The following CAMTA1 variants were observed in gnomAD, a reference collection of about 807,000 sequenced individuals.
CAMTA1 encodes the protein calmodulin-binding transcription activator 1.
Under a neutral mutation model 170.9 loss-of-function variants are expected in CAMTA1, and 27 were observed. That is an observed-to-expected ratio of 0.16 (90% CI 0.12 to 0.22). The LOEUF (loss-of-function observed/expected upper bound fraction) is 0.22, where lower values mean the gene tolerates loss of function less well. CAMTA1 is among the 10% of genes least tolerant of loss of function. CAMTA1 has a pLI of 1.00. For synonymous variants in CAMTA1, 833 were observed against 891.5 expected (o/e 0.93, Z 1.17); for missense variants, 1,619 against 2,217.2 (o/e 0.73, Z 5.42).
intron 6 of CAMTA1, among the ~76,000 whole-genome samples, chr1:7,519,987 G>C (rs988020828): frequency 7.3e-5 from 11 of 150,964 alleles, no homozygotes; most frequent in African/African-American, 2.7e-4. Context: ...CCATCAGAAC[G>C]GGAGCTTCTA....
At chr1:7,334,343 T>C (rs559803089) in intron 5 of CAMTA1, among the ~76,000 whole-genome samples, 123 of 152,252 alleles carry the variant, frequency 8.1e-4, no homozygotes, top group Non-Finnish European at 1.6e-3. Flanking sequence ...TTGGCAACAT[T>C]TTCGGGACAG....
intron 6 of CAMTA1, among the ~76,000 whole-genome samples, chr1:7,576,355 C>G (rs1576177516): frequency 1.3e-5 from 2 of 152,094 alleles, no homozygotes; most frequent in Non-Finnish European, 1.5e-5. Flanking sequence ...TGTTGTCTCC[C>G]CAAAATTCAT....
chr1:7,684,391 C>T (rs2149342635), intron 11 of CAMTA1, among the ~76,000 whole-genome samples: 1 of 152,316 alleles, frequency 6.6e-6, no homozygotes, highest in East Asian at 1.9e-4. Flanking sequence ...AGACAAATGC[C>T]CACCAACTGG....
At chr1:6,911,099 G>C (rs1679591758) in intron 3 of CAMTA1, among the ~76,000 whole-genome samples, 2 of 152,208 alleles carry the variant, frequency 1.3e-5, no homozygotes, top group African/African-American at 4.8e-5. Context: ...ACCACTCCTG[G>C]CCAGCTTCCT....
intron 5 of CAMTA1, among the ~76,000 whole-genome samples, chr1:7,413,879 T>C (rs2090972476): frequency 6.6e-6 from 1 of 152,204 alleles, no homozygotes; most frequent in Admixed American, 6.5e-5. Context: ...TTCAGTATGA[T>C]ATTGGCTGTG....
At chr1:7,185,777 T>A (rs1397028917) in intron 4 of CAMTA1, among the ~76,000 whole-genome samples, 2 of 152,202 alleles carry the variant, frequency 1.3e-5, no homozygotes, top group Non-Finnish European at 2.9e-5. Flanking sequence ...GAGGAAACAT[T>A]TGACAAACCT....
chr1:7,269,470 T>C (rs1443785288), intron 5 of CAMTA1, among the ~76,000 whole-genome samples: 1 of 152,208 alleles, frequency 6.6e-6, no homozygotes, highest in African/African-American at 2.4e-5. Context: ...ATGTATCCCA[T>C]GAGTTGGAAG....
intron 6 of CAMTA1, among the ~76,000 whole-genome samples, chr1:7,507,196 TCA>T (rs1336497262): frequency 6.6e-6 from 1 of 151,708 alleles, no homozygotes; most frequent in African/African-American, 2.4e-5. Flanking sequence ...CATAACACCC[TCA>T]CAGTGGCACA....
intron 6 of CAMTA1, among the ~76,000 whole-genome samples, chr1:7,614,121 GGAGGA>G (rs2095543169): frequency 6.6e-6 from 1 of 151,994 alleles, no homozygotes; most frequent in Non-Finnish European, 1.5e-5. Context: ...GGGGTGAGTA[GGAGGA>G]GAGGAGATTT....
Position 7,597,465 on chromosome 1 carries a change from G to A in CAMTA1, c.511-42935G>A, listed in dbSNP as rs182294832. 1.1e-4 allele frequency among the ~76,000 whole-genome samples: 16 copies of A among 152,262 alleles called. 1 individual carries two copies. In the South Asian group the frequency reaches 2.1e-3, roughly 20 times the overall value. ...AAAAGAGAGCTTGGCCCTGAACTTC[G>A]CAACCCCTGAGTATTCCATAGGGTT... is the stretch of plus-strand genomic sequence containing the variant. On this transcript the variant is annotated intron_variant, in intron 6 of 22. Coordinates refer to ENST00000303635, the MANE Select transcript of CAMTA1 (RefSeq NM_015215.4).
intron 6 of CAMTA1, among the ~76,000 whole-genome samples, chr1:7,474,484 A>G (rs1468063661): frequency 6.6e-6 from 1 of 152,240 alleles, no homozygotes; most frequent in Non-Finnish European, 1.5e-5. Context: ...CAGGGCAAGC[A>G]TCCACGAATG....
rs7527268 is a variant in CAMTA1, at chr1:7,113,835, T to C, written c.302+22464T>C. On this transcript the variant is annotated intron_variant, in intron 4 of 22. Coordinates refer to ENST00000303635, the MANE Select transcript of CAMTA1 (RefSeq NM_015215.4). The surrounding 1 kb of genome is among the most constrained non-coding windows in gnomAD (Gnocchi z 4.5). ...GCAGAAATGAAGTCACTTTGGTGAG[T>C]GAGGTTTTACTTCTCCGTCCTTTGG... Among the ~76,000 whole-genome samples the C allele has an allele frequency of 0.37, 55,578 of 152,046 alleles. 10,466 individuals carry two copies. Among genetic ancestry groups the C allele is most frequent in the Middle Eastern group, 0.47 (139 of 294 alleles).
At position 6,999,484 on chromosome 1, in the gene CAMTA1, G is replaced by T. The variant is rs575544272; in HGVS notation, c.235-91820G>T. Among the ~76,000 whole-genome samples the T allele has an allele frequency of 1.1e-3, 161 of 152,200 alleles. 1 individual carries two copies. The highest frequency in any genetic ancestry group is 8.2e-4 in the Non-Finnish European group (56 of 68,012). On this transcript the variant is annotated intron_variant, in intron 3 of 22. Coordinates refer to ENST00000303635, the MANE Select transcript of CAMTA1 (RefSeq NM_015215.4). The stretch of plus-strand genomic sequence containing the variant: ...CTGCAACCTCTGCCTGTCAGGCTCG[G>T]GTGATCCTCCTATCTCAGTCTCCCA...
chr1:7,337,755 G>C (rs2083492797), intron 5 of CAMTA1, among the ~76,000 whole-genome samples: 1 of 152,184 alleles, frequency 6.6e-6, no homozygotes, highest in Non-Finnish European at 1.5e-5. Flanking sequence ...AGCAGACCGA[G>C]GTTTCCCTAA....
chr1:7,704,040 C>T (rs1306902268), intron 11 of CAMTA1, among the ~76,000 whole-genome samples: 3 of 151,980 alleles, frequency 2.0e-5, no homozygotes, highest in African/African-American at 7.2e-5. Context: ...GCCCACCGTC[C>T]TCCGCCCCGC....
intron 5 of CAMTA1, among the ~76,000 whole-genome samples, chr1:7,407,530 G>A (rs2090388202): frequency 6.6e-6 from 1 of 152,196 alleles, no homozygotes; most frequent in East Asian, 1.9e-4. Flanking sequence ...CCACCTTGAG[G>A]GAGTTGGTTC....
At chr1:6,930,284 C>T (rs566832212) in intron 3 of CAMTA1, among the ~76,000 whole-genome samples, 2 of 152,218 alleles carry the variant, frequency 1.3e-5, no homozygotes, top group South Asian at 4.2e-4. Context: ...AGGGTGCTGG[C>T]GTACCATGTT....
chr1:7,664,764 C>A lies in CAMTA1; in HGVS notation c.2217C>A (p.Asn739Lys). 1.9e-6 allele frequency: 3 copies of A among 1,609,050 alleles called. No individual in the cohort carries two copies. Among genetic ancestry groups the A allele is most frequent in the South Asian group, 1.1e-5 (1 of 90,824 alleles). Residue 739 changes from asparagine to lysine, a missense_variant, in exon 9 of 23, where the codon AAC becomes AAA. Coordinates refer to ENST00000303635, the MANE Select transcript of CAMTA1 (RefSeq NM_015215.4). ...GCGGCGTCCCCATCCTCCCGGGCAA[C>A]GTGGTGCAGGGACTCTACCCCGTGG... ...SAGGVPILPG[N>K]VVQGLYPVAQ...
intron 5 of CAMTA1, among the ~76,000 whole-genome samples, chr1:7,411,516 T>G (rs1237702143): frequency 3.5e-5 from 4 of 113,290 alleles, no homozygotes; most frequent in Non-Finnish European, 6.6e-5. Flanking sequence ...TCCAGCCTGG[T>G]GAGACTCTGC....
Sources: allele counts gnomAD v4.1 joint callset (sites outside exome capture counted in the v4.1 genomes callset), GRCh38; gene constraint gnomAD v4.1.1; non-coding constraint Gnocchi (gnomAD v3.1); transcripts MANE v1.5; gene names NCBI Gene and HGNC (gene_info 2026-07-23, HGNC 2026-07-21).